ARL13B: variants seen among roughly 807,000 people sequenced by gnomAD.
The protein encoded by ARL13B is ARF like GTPase 13B, also known as ADP-ribosylation factor-like protein 13B.
A neutral mutation model predicts 56.1 loss-of-function variants in ARL13B; 36 were observed. The observed-to-expected ratio is 0.64, with a 90% CI of 0.49 to 0.85. The LOEUF is 0.85. Among genes scored for constraint, ARL13B ranks in the 40% least tolerant of loss-of-function variants. The pLI, the probability that ARL13B is intolerant of heterozygous loss-of-function variation, is 0.00. For synonymous variants in ARL13B, 178 were observed against 171.1 expected, an observed-to-expected ratio of 1.04 and a Z score of -0.32; for missense variants, 519 against 507.1, an observed-to-expected ratio of 1.02 and a Z score of -0.23.
intron 3 of ARL13B, among the ~76,000 whole-genome samples, chr3:94,029,715 C>T (rs2076640934): frequency 6.6e-6 from 1 of 152,066 alleles, no homozygotes; most frequent in Admixed American, 6.6e-5. Flanking sequence ...GAAATGACTC[C>T]TTTACACACC....
intron 1 of ARL13B, among the ~76,000 whole-genome samples, chr3:93,992,401 T>G (rs1329881322): frequency 3.9e-5 from 6 of 152,168 alleles, no homozygotes; most frequent in Non-Finnish European, 7.4e-5. Context: ...ACTTCCAGAG[T>G]GGGCTCTGTA....
At chr3:93,989,834 T>C (rs1421339940) in intron 1 of ARL13B, among the ~76,000 whole-genome samples, 1 of 152,188 alleles carries the variant, frequency 6.6e-6, no homozygotes, top group East Asian at 1.9e-4. Flanking sequence ...TAGTATAACA[T>C]ACTGTAAATC....
At chr3:93,990,081 G>A (rs1471229265) in intron 1 of ARL13B, among the ~76,000 whole-genome samples, 3 of 151,888 alleles carry the variant, frequency 2.0e-5, no homozygotes, top group African/African-American at 4.8e-5. Context: ...CTCAGCTCAC[G>A]GCAACCTCCA....
At chr3:94,036,100 CATATCAGGAGA>C (rs1439311379) in intron 4 of ARL13B, among the ~76,000 whole-genome samples, 3 of 152,010 alleles carry the variant, frequency 2.0e-5, no homozygotes, top group Admixed American at 6.6e-5. Flanking sequence ...AAAGATAAAT[CATATCAGGAGA>C]GATGTCATAC....
intron 7 of ARL13B, among the ~76,000 whole-genome samples, chr3:94,044,900 C>T (rs907790275): frequency 6.6e-6 from 1 of 151,766 alleles, no homozygotes; most frequent in Non-Finnish European, 1.5e-5. Context: ...AGGTGAGGAG[C>T]GCCTCTGCCC....
intron 7 of ARL13B, among the ~76,000 whole-genome samples, chr3:94,045,842 T>A (rs1384249515): frequency 3.8e-4 from 57 of 149,072 alleles, no homozygotes; most frequent in Non-Finnish European, 4.4e-5. Context: ...TCCCAGCTAC[T>A]CAGGAGGCTG....
intron 5 of ARL13B, among the ~76,000 whole-genome samples, chr3:94,039,369 G>A (rs1160629981): frequency 1.3e-5 from 2 of 151,800 alleles, no homozygotes; most frequent in African/African-American, 4.8e-5. Context: ...GCCTGGTGGC[G>A]GGCGCCTGTA....
At chr3:94,039,215 A>G (rs2076820355) in intron 5 of ARL13B, among the ~76,000 whole-genome samples, 1 of 152,154 alleles carries the variant, frequency 6.6e-6, no homozygotes, top group African/African-American at 2.4e-5. Flanking sequence ...AATAATTACT[A>G]TTTGGCTGGG....
intron 6 of ARL13B, among the ~76,000 whole-genome samples, chr3:94,042,145 G>A (rs1349534639): frequency 2.0e-5 from 3 of 152,080 alleles, no homozygotes; most frequent in Non-Finnish European, 4.4e-5. Flanking sequence ...ATAACACTAA[G>A]TTAAATAAAA....
intron 3 of ARL13B, among the ~76,000 whole-genome samples, chr3:94,013,704 G>T (rs2076267430): frequency 6.6e-6 from 1 of 152,192 alleles, no homozygotes; most frequent in South Asian, 2.1e-4. Context: ...CCAACACTTT[G>T]GGAGGCCCAG....
intron 9 of ARL13B, among the ~76,000 whole-genome samples, chr3:94,052,380 CAGTTGGAGTACTGTGCACAGTAG>C (rs1010969310): frequency 1.6e-4 from 24 of 152,030 alleles, no homozygotes; most frequent in Admixed American, 3.9e-4. Context: ...CTATGGTGTA[CAGTTGGAGTACTGTGCACAGTAG>C]GAGTACTGTG....
At chr3:93,996,550 C>CT in intron 2 of ARL13B, 10 of 257,748 alleles carry the variant, frequency 3.9e-5, no homozygotes, top group East Asian at 1.1e-4. Flanking sequence ...TTTATTAGGT[C>CT]TTTTTTTGGT....
intron 3 of ARL13B, among the ~76,000 whole-genome samples, chr3:94,006,432 C>T (rs1575961684): frequency 6.6e-6 from 1 of 152,232 alleles, no homozygotes; most frequent in East Asian, 1.9e-4. Context: ...ATTAATTTCT[C>T]TTATTGATGT....
intron 4 of ARL13B, among the ~76,000 whole-genome samples, 172 bp from the exon 5 acceptor site, chr3:94,036,380 A>T (rs573491762): frequency 2.6e-5 from 4 of 152,328 alleles, no homozygotes; most frequent in African/African-American, 9.6e-5. Context: ...TAAGTTCTAT[A>T]TACTGATGTT....
At chr3:94,014,826 C>T in intron 3 of ARL13B, 1 of 1,614,106 alleles carries the variant, frequency 6.2e-7, no homozygotes, top group Non-Finnish European at 8.5e-7. Flanking sequence ...TGTATATAAA[C>T]ATGATTTGCT....
At position 94,053,284 on chromosome 3, in the gene ARL13B, C is replaced by T. The variant is rs773051308; in HGVS notation, c.*21C>T. On this transcript the variant is annotated 3_prime_UTR_variant, in exon 10 of 10. Transcript: ENST00000394222. ...CATAAACAAGACGTATGGAGGAGTT[C>T]TCTTAATATCAGCAAGGTGAACTGG... 3.7e-6 allele frequency: 6 copies of T among 1,602,392 alleles called. No homozygotes were observed. In the South Asian group the frequency reaches 6.6e-5, roughly 18 times the overall value.
At chr3:94,014,248 G>T in intron 3 of ARL13B, 1 of 671,336 alleles carries the variant, frequency 1.5e-6, no homozygotes, top group Non-Finnish European at 2.2e-6. Flanking sequence ...GTGGGTTAGG[G>T]TTAAAGGGGA....
At position 93,980,352 on chromosome 3, in the gene ARL13B, C is replaced by A; in HGVS notation, c.-72C>A. The stretch of plus-strand genomic sequence containing the variant: ...TAGGGGCGTCTCGGAGTGCCGGAGG[C>A]CCCCGGGGAAGAGCGGGGTGCCGGT... On this transcript the variant is annotated 5_prime_UTR_variant, in exon 1 of 10. Transcript: ENST00000394222. The A allele has an allele frequency of 1.0e-5, 16 of 1,584,238 alleles. No homozygotes were observed. Among genetic ancestry groups the A allele is most frequent in the Non-Finnish European group, 1.4e-5 (16 of 1,162,026 alleles).
chr3:94,047,336 C>A (rs1576054541), intron 7 of ARL13B, among the ~76,000 whole-genome samples: 1 of 152,002 alleles, frequency 6.6e-6, no homozygotes, highest in Non-Finnish European at 1.5e-5. Context: ...CATATATTAC[C>A]CATGTAACTG....
Sources: gnomAD v4.1 joint callset for allele counts (sites outside exome capture counted in the v4.1 genomes callset) on GRCh38, gnomAD v4.1.1 for gene constraint, MANE v1.5 for transcripts, NCBI Gene and HGNC (gene_info 2026-07-23, HGNC 2026-07-21) for gene names.